UNC13C: variants seen among roughly 807,000 people sequenced by gnomAD.
The protein encoded by UNC13C is protein unc-13 homolog C.
In UNC13C, 174 loss-of-function variants were observed where a neutral mutation model predicts 245.4. That is an observed-to-expected ratio of 0.71 (90% CI 0.63 to 0.80). UNC13C has a LOEUF of 0.80. Among genes scored for constraint, UNC13C ranks in the 30% least tolerant of loss-of-function variants. UNC13C has a pLI of 0.00. For synonymous variants in UNC13C, 992 were observed against 895.1 expected (o/e 1.11, Z -1.93); for missense variants, 2,829 against 2,602.9 (o/e 1.09, Z -1.89).
intron 30 of UNC13C, among the ~76,000 whole-genome samples, chr15:54,582,717 T>C (rs1898258370): frequency 6.6e-6 from 1 of 152,146 alleles, no homozygotes. Flanking sequence ...AGTGTGCCTA[T>C]GAACTGGGCC....
chr15:54,243,248 T>C (rs369051933), intron 7 of UNC13C, among the ~76,000 whole-genome samples: 2 of 152,086 alleles, frequency 1.3e-5, no homozygotes, highest in East Asian at 3.9e-4. Flanking sequence ...GGTTTTCTGT[T>C]CCTGTATTAG....
At chr15:53,903,612 A>G in the UNC13C span, among the ~76,000 whole-genome samples, 1 of 152,206 alleles carries the variant, frequency 6.6e-6, no homozygotes, top group Non-Finnish European at 1.5e-5. Flanking sequence ...CATAATCTCC[A>G]AGGTGTTCAC....
rs769985059 is a variant in UNC13C, at chr15:54,012,929, T to G, written c.26T>G (p.Leu9Trp). MVANFFKS[L>W]ILPYIHKLCK... ...ATGGTGGCTAATTTTTTCAAGAGCT[T>G]GATTTTACCTTACATTCATAAGCTT... The change falls in exon 2 of 33, where the codon TTG (leucine) becomes TGG (tryptophan). Residue 9 changes from leucine (L) to tryptophan (W), a missense_variant. Transcript: ENST00000260323. 6.2e-7 allele frequency: 1 copy of G among 1,602,824 alleles called. No homozygotes were observed. The highest frequency in any genetic ancestry group is 8.5e-7 in the Non-Finnish European group (1 of 1,175,278).
At chr15:53,947,841 A>G in the UNC13C span, 2 of 152,216 alleles carry the variant, frequency 1.3e-5, no homozygotes, top group Non-Finnish European at 2.9e-5. Context: ...GCTTCACTGT[A>G]GAGGAACACA....
chr15:54,185,112 GTTGT>G (rs952119543), intron 4 of UNC13C, among the ~76,000 whole-genome samples: 23 of 152,084 alleles, frequency 1.5e-4, no homozygotes, highest in African/African-American at 4.6e-4. Flanking sequence ...TTTTGACGGG[GTTGT>G]TTGTTTTTTT....
chr15:54,065,538 C>T (rs1430254762), intron 2 of UNC13C, among the ~76,000 whole-genome samples: 2 of 152,216 alleles, frequency 1.3e-5, no homozygotes, highest in Non-Finnish European at 2.9e-5. Flanking sequence ...AGTGGCTTAT[C>T]ATAACAAGGA....
chr15:53,910,261 A>G, the UNC13C span, among the ~76,000 whole-genome samples: 1 of 145,400 alleles, frequency 6.9e-6, no homozygotes. Flanking sequence ...CTTAACCCCC[A>G]GGAGGTTTTT....
intron 30 of UNC13C, among the ~76,000 whole-genome samples, chr15:54,614,985 T>C (rs995795930): frequency 6.6e-6 from 1 of 152,038 alleles, no homozygotes; most frequent in Admixed American, 6.6e-5. Context: ...TTCTATAGAA[T>C]TTTTGTTTCA....
intron 2 of UNC13C, among the ~76,000 whole-genome samples, chr15:54,125,501 A>C (rs1421834329): frequency 6.6e-6 from 1 of 152,202 alleles, no homozygotes; most frequent in East Asian, 1.9e-4. Flanking sequence ...TTTTGGTAAA[A>C]ATTGTGTTAA....
chr15:53,924,985 A>C, the UNC13C span, among the ~76,000 whole-genome samples: 1 of 152,228 alleles, frequency 6.6e-6, no homozygotes, highest in African/African-American at 2.4e-5. Context: ...GATGGGATTT[A>C]AGCTATCAAT....
Position 54,269,344 on chromosome 15 carries a change from T to A in UNC13C, c.3818+3848T>A, listed in dbSNP as rs1376809896. Among the ~76,000 whole-genome samples, 4 of 152,104 alleles carry A rather than the reference T, an allele frequency of 2.6e-5. No homozygotes were observed. In the South Asian group the frequency reaches 8.3e-4, roughly 31 times the overall value. ...GGTATCTCTGGTCCCTGTTAATCCC[T>A]CTTGACTAGAATAGAAAGTCTGGAA... On this transcript the variant is annotated intron_variant, in intron 10 of 32. Transcript: ENST00000260323.
chr15:53,987,975 C>T (rs117431196), intron 1 of UNC13C, among the ~76,000 whole-genome samples: 6 of 151,922 alleles, frequency 3.9e-5, no homozygotes, highest in Non-Finnish European at 7.4e-5. Flanking sequence ...CAGTTTCAGA[C>T]GAGATGGGTT....
At chr15:54,159,209 A>G (rs930149770) in intron 4 of UNC13C, among the ~76,000 whole-genome samples, 1 of 152,216 alleles carries the variant, frequency 6.6e-6, no homozygotes, top group African/African-American at 2.4e-5. Context: ...GCAGGCTACA[A>G]TAGAACTGTC....
the UNC13C span, among the ~76,000 whole-genome samples, chr15:53,955,300 CAT>C: frequency 4.8e-5 from 7 of 147,328 alleles, no homozygotes; most frequent in African/African-American, 1.5e-4. Context: ...CACACACACA[CAT>C]AAAACTAGGA....
intron 30 of UNC13C, among the ~76,000 whole-genome samples, chr15:54,578,011 C>A (rs1898030804): frequency 6.6e-6 from 1 of 152,146 alleles, no homozygotes; most frequent in Non-Finnish European, 1.5e-5. Context: ...AAAGAGCTTT[C>A]CACAGAAATA....
intron 2 of UNC13C, chr15:54,049,316 A>G (rs1477396447): frequency 1.9e-5 from 10 of 520,116 alleles, no homozygotes; most frequent in African/African-American, 9.9e-5. Flanking sequence ...GGCCCTTCAT[A>G]TGAATATAAA....
chr15:53,903,441 A>G, the UNC13C span, among the ~76,000 whole-genome samples: 1 of 152,256 alleles, frequency 6.6e-6, no homozygotes, highest in Non-Finnish European at 1.5e-5. Context: ...CCTGAATTTG[A>G]AATCCAACCA....
intron 30 of UNC13C, among the ~76,000 whole-genome samples, chr15:54,583,185 G>C (rs1898286474): frequency 6.6e-6 from 1 of 152,156 alleles, no homozygotes; most frequent in South Asian, 2.1e-4. Context: ...AGCTAATTCA[G>C]GGTAACTTGT....
At chr15:54,419,701 A>G (rs2040597508) in intron 19 of UNC13C, among the ~76,000 whole-genome samples, 1 of 152,096 alleles carries the variant, frequency 6.6e-6, no homozygotes, top group South Asian at 2.1e-4. Flanking sequence ...TGAAATAAGG[A>G]ACAACAGTGG....
Sources: gnomAD v4.1 joint callset for allele counts (sites outside exome capture counted in the v4.1 genomes callset) on GRCh38, gnomAD v4.1.1 for gene constraint, MANE v1.5 for transcripts, NCBI Gene and HGNC (gene_info 2026-07-23, HGNC 2026-07-21) for gene names.